PUDP: variants seen among roughly 807,000 people sequenced by gnomAD.
PUDP encodes the protein pseudouridine 5'-phosphatase, also known as pseudouridine-5'-phosphatase.
PUDP carries 8 observed loss-of-function variants against 9.4 expected under a neutral mutation model. That is an observed-to-expected ratio of 0.85 (90% CI 0.50 to 1.53). The LOEUF (loss-of-function observed/expected upper bound fraction) is 1.53, where lower values mean the gene tolerates loss of function less well. Among genes scored for constraint, PUDP ranks in the 40% most tolerant of loss-of-function variants. The pLI is 0.00. For missense variants in PUDP, 188 were observed against 189.7 expected, an observed-to-expected ratio of 0.99 and a Z score of 0.05; for synonymous variants, 99 against 80.7, an observed-to-expected ratio of 1.23 and a Z score of -1.22.
At chrX:6,782,555 G>A (rs572054409) in intron 3 of PUDP, among the ~76,000 whole-genome samples, 1 of 111,278 alleles carries the variant, frequency 9.0e-6, no homozygotes, top group African/African-American at 3.3e-5. Flanking sequence ...GGGCTACAGA[G>A]CAAGACTCCA....
chrX:7,100,345 C>T (rs758535318), intron 2 of PUDP, among the ~76,000 whole-genome samples: 2 of 111,142 alleles, frequency 1.8e-5, no homozygotes, highest in East Asian at 5.7e-4. Context: ...CCATTCACTC[C>T]GGCAATTTAA....
At position 7,105,639 on chromosome X, in the gene PUDP, G is replaced by A. The variant is rs1187604435; in HGVS notation, c.261C>T (p.Pro87=). ...CCGCACCTGGCATGAGCGCAGCCGT[G>A]GGGAACACTTCCTTTAACTTCGTTT... ...ESQTKLKEVF[P]TAALMPGAEK... The change falls in exon 2 of 4, where the codon CCC becomes CCT. Residue 87 remains proline, a synonymous_variant. Transcript: ENST00000381077. The A allele has an allele frequency of 8.3e-7, 1 of 1,207,651 alleles. No homozygotes were observed. The highest frequency in any genetic ancestry group is 2.2e-5 in the Admixed American group (1 of 45,811).
intron 3 of PUDP, among the ~76,000 whole-genome samples, chrX:6,893,893 A>T: frequency 8.9e-6 from 1 of 112,102 alleles, no homozygotes; most frequent in East Asian, 2.8e-4. Flanking sequence ...TGTGGTACAT[A>T]TACACCATGG....
At chrX:6,871,796 T>C (rs1263000833) in intron 3 of PUDP, among the ~76,000 whole-genome samples, 1 of 111,869 alleles carries the variant, frequency 8.9e-6, no homozygotes, top group Non-Finnish European at 1.9e-5. Flanking sequence ...CATTTGTCTC[T>C]GGGATTTTGT....
chrX:6,749,281 A>C (rs185880285), intron 3 of PUDP, among the ~76,000 whole-genome samples: 8 of 111,899 alleles, frequency 7.1e-5, no homozygotes, highest in Non-Finnish European at 1.3e-4. Flanking sequence ...ATTGTGCACA[A>C]CACCAGTTAA....
At chrX:7,015,836 C>T (rs1929539702) in intron 1 of PUDP, among the ~76,000 whole-genome samples, 1 of 110,678 alleles carries the variant, frequency 9.0e-6, no homozygotes, top group African/African-American at 3.3e-5. Flanking sequence ...CTTGGCCTCC[C>T]AAAGTGTTGA....
rs750457240 is a variant in PUDP at position 7,032,085 on chromosome X, A to C, written c.204+45135T>G. ...GCAAAAAATAAAAAAACAAAAAATG[A>C]GCAAATTATTTGGACAAAAAGTTCC... On this transcript the variant is annotated intron_variant and NMD_transcript_variant, in intron 1 of 3. Transcript: ENST00000655425. Among the ~76,000 whole-genome samples the C allele has an allele frequency of 8.0e-5, 9 of 112,570 alleles. No individual in the cohort carries two copies. The South Asian group carries it at 3.3e-3, about 41-fold the overall frequency.
At chrX:6,861,458 C>T (rs1036464312) in intron 3 of PUDP, among the ~76,000 whole-genome samples, 2 of 111,956 alleles carry the variant, frequency 1.8e-5, no homozygotes, top group African/African-American at 6.5e-5. Context: ...TCACATGACA[C>T]TGCAATGCTT....
chrX:6,747,244 G>A (rs908464560), intron 3 of PUDP, among the ~76,000 whole-genome samples: 3 of 111,838 alleles, frequency 2.7e-5, no homozygotes, highest in African/African-American at 6.5e-5. Context: ...TTCAGTACAC[G>A]GGCAGTGTCT....
chrX:6,884,816 C>T (rs1927399175), intron 3 of PUDP, among the ~76,000 whole-genome samples: 1 of 112,183 alleles, frequency 8.9e-6, no homozygotes. Context: ...TATTGGTTTC[C>T]GAAAGTGATC....
chrX:6,723,271 TAAA>T (rs72151981), upstream of PUDP, among the ~76,000 whole-genome samples: 407 of 92,790 alleles, frequency 4.4e-3, 4 homozygotes, highest in African/African-American at 0.014. Flanking sequence ...CAAAAAACAA[TAAA>T]AAAAAAAAAA....
intron 3 of PUDP, among the ~76,000 whole-genome samples, chrX:6,759,753 G>A (rs756863042): frequency 1.8e-5 from 2 of 111,876 alleles, no homozygotes; most frequent in South Asian, 7.7e-4. Flanking sequence ...CCAGCTCTAG[G>A]AGAGATGAAT....
chrX:6,772,779 A>AAAAC (rs201095195), intron 3 of PUDP, among the ~76,000 whole-genome samples: 52,762 of 106,514 alleles, frequency 0.5, 10,591 homozygotes, highest in Middle Eastern at 0.6. Context: ...GCAGAAAATT[A>AAAAC]AAACAAACAA....
chrX:7,057,901 A>T, intron 3 of PUDP: 1 of 698,969 alleles, frequency 1.4e-6, no homozygotes, highest in Non-Finnish European at 2.1e-6. Flanking sequence ...AGAGGGAAGG[A>T]GAAGGGCCCG....
chrX:6,716,393 T>C (rs1924600239), intron 1 of PUDP, among the ~76,000 whole-genome samples: 1 of 111,874 alleles, frequency 8.9e-6, no homozygotes, highest in Non-Finnish European at 1.9e-5. Flanking sequence ...GTGCAGAGGC[T>C]GGTACTGACA....
At chrX:7,126,302 G>T (rs1932485190) in intron 1 of PUDP, among the ~76,000 whole-genome samples, 1 of 111,085 alleles carries the variant, frequency 9.0e-6, no homozygotes, top group South Asian at 3.8e-4. Flanking sequence ...AACTTCTCTG[G>T]TGATCCTCTA....
chrX:6,975,840 T>C (rs1928946177), intron 3 of PUDP, among the ~76,000 whole-genome samples: 1 of 112,084 alleles, frequency 8.9e-6, no homozygotes, highest in Non-Finnish European at 1.9e-5. Context: ...CTCAGGGAGA[T>C]GGGAGTTTCA....
chrX:6,796,132 A>C (rs1347251006), intron 3 of PUDP, among the ~76,000 whole-genome samples: 1 of 112,010 alleles, frequency 8.9e-6, no homozygotes, highest in Non-Finnish European at 1.9e-5. Flanking sequence ...GTGATTCAAA[A>C]CCATTAGCAA....
chrX:7,077,444 C>T lies in PUDP; in HGVS notation c.286G>A (p.Glu96Lys). The T allele has an allele frequency of 8.3e-7, 1 of 1,207,320 alleles. No individual in the cohort carries two copies. The highest frequency in any genetic ancestry group is 1.1e-6 in the Non-Finnish European group (1 of 892,142). Residue 96 changes from glutamate to lysine, a missense_variant, in exon 3 of 4, where the codon GAG (glutamate) becomes AAG (lysine). Transcript: ENST00000381077. ...TTCCGCAGGTGGATGATGAGTTTCT[C>T]CGCCCCTGGGGAGGAGGAGGGAAGG... The part of the protein sequence containing the change: ...FPTAALMPGA[E>K]KLIIHLRKHG...
Sources: gnomAD v4.1 joint callset for allele counts (sites outside exome capture counted in the v4.1 genomes callset) on GRCh38, gnomAD v4.1.1 for gene constraint, MANE v1.5 for transcripts, NCBI Gene and HGNC (gene_info 2026-07-23, HGNC 2026-07-21) for gene names.